LYPD5: variants seen among roughly 807,000 people sequenced by gnomAD.
LYPD5 encodes the protein ly6/PLAUR domain-containing protein 5.
In LYPD5, 21 loss-of-function variants were observed where a neutral mutation model predicts 19.1. That is an observed-to-expected ratio of 1.10 (90% CI 0.78 to 1.58). LYPD5 has a LOEUF of 1.58. Among genes scored for constraint, LYPD5 ranks in the 40% most tolerant of loss-of-function variants. The probability of loss-of-function intolerance (pLI) is 0.00; values close to 1 mark genes in which losing one functional copy is unlikely to be tolerated. For missense variants in LYPD5, 287 were observed against 329.8 expected, an observed-to-expected ratio of 0.87 and a Z score of 1.00; for synonymous variants, 128 against 142.7, an observed-to-expected ratio of 0.90 and a Z score of 0.74.
chr19:43,797,993 C>G (rs1050498305), intron 4 of LYPD5, among the ~76,000 whole-genome samples, 164 bp from the exon 5 acceptor site: 1 of 151,852 alleles, frequency 6.6e-6, no homozygotes. Flanking sequence ...CATGCCTCTT[C>G]CCTCAGAACA....
intron 1 of LYPD5, among the ~76,000 whole-genome samples, chr19:43,800,523 A>G (rs1341386091): frequency 1.3e-5 from 2 of 152,198 alleles, no homozygotes; most frequent in Admixed American, 6.5e-5. Flanking sequence ...TATGATAACC[A>G]TATCAACACA....
At chr19:43,812,979 T>C (rs529796249) in intron 1 of LYPD5, among the ~76,000 whole-genome samples, 3 of 152,328 alleles carry the variant, frequency 2.0e-5, no homozygotes, top group South Asian at 4.1e-4. Flanking sequence ...CTGTTTTAGC[T>C]GGTCCTCAAT....
At chr19:43,808,248 G>A (rs1221706529) in intron 1 of LYPD5, among the ~76,000 whole-genome samples, 1 of 152,088 alleles carries the variant, frequency 6.6e-6, no homozygotes, top group African/African-American at 2.4e-5. Flanking sequence ...TGGGATTACA[G>A]GTGTCTGCCA....
intron 1 of LYPD5, among the ~76,000 whole-genome samples, chr19:43,801,027 T>A (rs1429769096): frequency 2.7e-5 from 3 of 110,954 alleles, no homozygotes; most frequent in Non-Finnish European, 3.7e-5. Flanking sequence ...GTAACACAGA[T>A]ACATGGAGAG....
At chr19:43,797,929 C>T (rs1970156055) in intron 4 of LYPD5, 100 bp from the exon 5 acceptor site, 1 of 931,754 alleles carries the variant, frequency 1.1e-6, no homozygotes, top group Non-Finnish European at 1.6e-6. Flanking sequence ...GGTCCTCAGA[C>T]TTGCTTCAGG....
chr19:43,813,562 G>A (rs1332327439), intron 1 of LYPD5, among the ~76,000 whole-genome samples: 1 of 152,188 alleles, frequency 6.6e-6, no homozygotes, highest in Non-Finnish European at 1.5e-5. Flanking sequence ...TGGCCACTCT[G>A]TTCATGAGAC....
chr19:43,798,612 AGCGTAGAT>A lies in LYPD5; in HGVS notation c.371-19_371-12del. On this transcript the variant is annotated splice_polypyrimidine_tract_variant and intron_variant, in intron 3 of 4. Transcript: ENST00000377950. ...TCGGCGGGTCGGGTGCTGGCAAGAGAGCGTAGATGCACACTCAGGCAGTGGTACCCTGG... is the reference window on the plus strand; with the variant it reads ...TCGGCGGGTCGGGTGCTGGCAAGAGAGCACACTCAGGCAGTGGTACCCTGG... 1 of 1,609,336 alleles carries A rather than the reference AGCGTAGAT, an allele frequency of 6.2e-7. No individual in the cohort carries two copies. Among genetic ancestry groups the A allele is most frequent in the Admixed American group, 1.7e-5 (1 of 59,966 alleles).
At chr19:43,798,043 C>T (rs1443643125) in intron 4 of LYPD5, among the ~76,000 whole-genome samples, 1 of 150,994 alleles carries the variant, frequency 6.6e-6, no homozygotes. Flanking sequence ...CATGCCTCTT[C>T]CCTCAGACCA....
upstream of LYPD5, among the ~76,000 whole-genome samples, chr19:43,803,796 G>T (rs1054801093): frequency 9.9e-5 from 15 of 152,044 alleles, no homozygotes; most frequent in African/African-American, 3.6e-4. Context: ...GACACAGAGG[G>T]CCAAATATAA....
chr19:43,819,047 CTCT>C (rs1275288767), intron 1 of LYPD5, among the ~76,000 whole-genome samples: 4 of 151,972 alleles, frequency 2.6e-5, no homozygotes, highest in Non-Finnish European at 5.9e-5. Context: ...TGTGCCTGTT[CTCT>C]TTTTTATTCA....
At chr19:43,810,297 T>A (rs897776437) in intron 1 of LYPD5, among the ~76,000 whole-genome samples, 1 of 152,106 alleles carries the variant, frequency 6.6e-6, no homozygotes, top group African/African-American at 2.4e-5. Context: ...TTGAATAGAA[T>A]TAATGAGAGT....
rs142899787 is a variant in LYPD5, at chr19:43,815,799, G to A, written c.-66+4741C>T. ...GTCACCCTGGCTGGAGTGCAGTGGC[G>A]CGATCTCAGCTCACTGCAACCTCTG... On this transcript the variant is annotated intron_variant, in intron 1 of 4. Transcript: ENST00000414615. The A allele has an allele frequency of 4.9e-4, 182 of 372,860 alleles. 2 individuals carry two copies. The highest frequency in any genetic ancestry group is 2.2e-3 in the African/African-American group (102 of 46,636). The allele number at this position is 372,860 out of a possible 1,614,324, so 23.1% of individuals were successfully genotyped here. A position where few individuals can be genotyped will look rare whatever the true frequency, so the allele number is the denominator to read the frequency against.
chr19:43,817,911 T>C (rs1032410279), intron 1 of LYPD5, among the ~76,000 whole-genome samples: 1 of 152,034 alleles, frequency 6.6e-6, no homozygotes, highest in African/African-American at 2.4e-5. Context: ...AGATGAGGTT[T>C]CACCTTTTTG....
intron 1 of LYPD5, among the ~76,000 whole-genome samples, chr19:43,818,728 C>G (rs911627112): frequency 1.3e-5 from 2 of 152,132 alleles, no homozygotes; most frequent in African/African-American, 4.8e-5. Context: ...AAACAAGTTT[C>G]CAGAGGCCCC....
At chr19:43,803,057 G>GA (rs1464858889), upstream of LYPD5, among the ~76,000 whole-genome samples, 2 of 152,214 alleles carry the variant, frequency 1.3e-5, no homozygotes, top group African/African-American at 4.8e-5. Context: ...GAGAAACAGA[G>GA]AGAGAGGAAG....
chr19:43,808,873 T>C (rs978399717), intron 1 of LYPD5, among the ~76,000 whole-genome samples: 8 of 152,364 alleles, frequency 5.3e-5, no homozygotes, highest in African/African-American at 1.9e-4. Flanking sequence ...AGGCAACAAA[T>C]CATTAAATTT....
At chr19:43,812,765 G>C (rs1262556195) in intron 1 of LYPD5, among the ~76,000 whole-genome samples, 1 of 152,176 alleles carries the variant, frequency 6.6e-6, no homozygotes, top group African/African-American at 2.4e-5. Context: ...GGAGCTCAAA[G>C]GCAGTTCTGC....
At chr19:43,805,817 G>T (rs1970266439), upstream of LYPD5, among the ~76,000 whole-genome samples, 1 of 152,068 alleles carries the variant, frequency 6.6e-6, no homozygotes. Flanking sequence ...CTCTTTTGTT[G>T]TTTTCACATG....
chr19:43,806,655 C>G (rs1460110226), upstream of LYPD5, among the ~76,000 whole-genome samples: 1 of 144,744 alleles, frequency 6.9e-6, no homozygotes, highest in Non-Finnish European at 1.5e-5. Flanking sequence ...AGCAAGACAC[C>G]GTCTCAACAA....
Sources: allele counts gnomAD v4.1 joint callset (sites outside exome capture counted in the v4.1 genomes callset), GRCh38; gene constraint gnomAD v4.1.1; transcripts MANE v1.5; gene names NCBI Gene and HGNC (gene_info 2026-07-23, HGNC 2026-07-21).